The following BMPR1A variants were observed in gnomAD, a reference collection of about 807,000 sequenced individuals.
BMPR1A encodes the protein bone morphogenetic protein receptor type-1A.
A neutral mutation model predicts 66.0 loss-of-function variants in BMPR1A; 7 were observed. The observed-to-expected ratio is 0.11, with a 90% CI of 0.06 to 0.20. The LOEUF (loss-of-function observed/expected upper bound fraction) is 0.20. BMPR1A is among the 10% of genes least tolerant of loss of function. BMPR1A has a pLI of 1.00. For missense variants in BMPR1A, 408 were observed against 669.1 expected, an observed-to-expected ratio of 0.61 and a Z score of 4.31; for synonymous variants, 200 against 229.7, an observed-to-expected ratio of 0.87 and a Z score of 1.17.
intron 5 of BMPR1A, among the ~76,000 whole-genome samples, chr10:86,894,940 AT>A (rs1309877748): frequency 2.6e-5 from 4 of 152,116 alleles, no homozygotes; most frequent in Non-Finnish European, 5.9e-5. Flanking sequence ...GTTGCTGAAT[AT>A]TTCTCTGCCT....
At chr10:86,916,353 G>T (rs925142611) in intron 8 of BMPR1A, among the ~76,000 whole-genome samples, 1 of 152,228 alleles carries the variant, frequency 6.6e-6, no homozygotes, top group Non-Finnish European at 1.5e-5. Context: ...CTGTGGGGCA[G>T]TTCATTTGTT....
intron 1 of BMPR1A, among the ~76,000 whole-genome samples, chr10:86,759,638 G>T (rs967226016): frequency 1.3e-5 from 2 of 152,120 alleles, no homozygotes; most frequent in African/African-American, 2.4e-5. Context: ...CTTGCTAACT[G>T]TGGGGCAATT....
intron 2 of BMPR1A, among the ~76,000 whole-genome samples, chr10:86,848,340 G>A (rs551950561): frequency 1.5e-4 from 23 of 152,210 alleles, no homozygotes; most frequent in Non-Finnish European, 2.8e-4. Flanking sequence ...TATGAAGTAT[G>A]TAGAACAGTG....
chr10:86,814,033 C>T (rs938424524), intron 1 of BMPR1A, among the ~76,000 whole-genome samples: 1 of 151,852 alleles, frequency 6.6e-6, no homozygotes, highest in African/African-American at 2.4e-5. Flanking sequence ...TAGTTTTTTT[C>T]CCTTATAAAT....
chr10:86,845,983 C>T (rs932618044), intron 2 of BMPR1A, among the ~76,000 whole-genome samples: 4 of 149,584 alleles, frequency 2.7e-5, no homozygotes, highest in Non-Finnish European at 4.4e-5. Context: ...GGTGACAGAG[C>T]GAGACTCCGT....
intron 1 of BMPR1A, among the ~76,000 whole-genome samples, chr10:86,781,491 T>G (rs1841436293): frequency 6.6e-6 from 1 of 152,218 alleles, no homozygotes. Flanking sequence ...TGCTCAGGGT[T>G]GCTTTGGTTA....
At chr10:86,890,022 T>G (rs752491958) in intron 3 of BMPR1A, 40 bp from the exon 4 acceptor site, 38 of 1,608,782 alleles carry the variant, frequency 2.4e-5, no homozygotes, top group Admixed American at 8.3e-5. Flanking sequence ...AATGAGCTTT[T>G]CAGAAATGAT....
chr10:86,816,471 T>C (rs879479056), intron 1 of BMPR1A, among the ~76,000 whole-genome samples: 2 of 152,196 alleles, frequency 1.3e-5, no homozygotes, highest in African/African-American at 2.4e-5. Context: ...GGTCAGTTGA[T>C]TGTCAGAGAA....
intron 2 of BMPR1A, among the ~76,000 whole-genome samples, chr10:86,867,873 A>G (rs1338100743): frequency 6.6e-6 from 1 of 152,144 alleles, no homozygotes; most frequent in Non-Finnish European, 1.5e-5. Context: ...CTTGGCATAG[A>G]AGGAAAGTGA....
chr10:86,903,997 G>A lies in BMPR1A; in HGVS notation c.530+3871G>A, dbSNP rs117216167. Among the ~76,000 whole-genome samples, 432 of 152,298 alleles carry A rather than the reference G, an allele frequency of 2.8e-3. 10 individuals carry two copies. In the East Asian group the frequency reaches 0.043, roughly 15 times the overall value. On this transcript the variant is annotated intron_variant, in intron 7 of 12. Coordinates refer to ENST00000372037, the MANE Select transcript of BMPR1A (RefSeq NM_004329.3). ...CAGCTCTCTGCATACTCCACCTGCT[G>A]GGTTCAAGCGATTCTCGTGCTTCAG...
intron 1 of BMPR1A, among the ~76,000 whole-genome samples, chr10:86,765,000 C>G (rs1037378470): frequency 6.6e-6 from 1 of 151,534 alleles, no homozygotes; most frequent in Non-Finnish European, 1.5e-5. Context: ...TGCTTGAGCC[C>G]AGCAGCTTGA....
At position 86,924,818 on chromosome 10, in the gene BMPR1A, C is replaced by G. The variant is rs1324583086; in HGVS notation, c.*1099C>G. 4.3e-6 allele frequency: 1 copy of G among 232,422 alleles called. No homozygotes were observed. Among genetic ancestry groups the G allele is most frequent in the Non-Finnish European group, 8.5e-6 (1 of 117,718 alleles). The allele number at this position is 232,422 out of a possible 1,614,324, so 14.4% of individuals were successfully genotyped here. ...AACCAGCTCATGTGTACCTCATATCCCATCCTTAAGAGAAGAAATGTTATA... is the reference window on the plus strand; with the variant it reads ...AACCAGCTCATGTGTACCTCATATCGCATCCTTAAGAGAAGAAATGTTATA... On this transcript the variant is annotated 3_prime_UTR_variant, in exon 13 of 13. Transcript: ENST00000372037.
At chr10:86,760,501 G>T (rs1446963222) in intron 1 of BMPR1A, among the ~76,000 whole-genome samples, 1 of 152,022 alleles carries the variant, frequency 6.6e-6, no homozygotes, top group Non-Finnish European at 1.5e-5. Context: ...GCCTCCCTGT[G>T]CTGGGGTTAC....
chr10:86,756,177 G>C (rs1462726093), upstream of BMPR1A: 1 of 152,182 alleles, frequency 6.6e-6, no homozygotes, highest in Non-Finnish European at 1.5e-5. Flanking sequence ...CCGAAGGCCG[G>C]AGCGGGCGTC....
chr10:86,795,109 C>T (rs1248669078), intron 1 of BMPR1A, among the ~76,000 whole-genome samples: 1 of 151,976 alleles, frequency 6.6e-6, no homozygotes, highest in African/African-American at 2.4e-5. Flanking sequence ...CTTCTGCCTC[C>T]CAAAGTGCTG....
chr10:86,780,624 G>A (rs1841423298), intron 1 of BMPR1A, among the ~76,000 whole-genome samples: 1 of 151,886 alleles, frequency 6.6e-6, no homozygotes, highest in African/African-American at 2.4e-5. Flanking sequence ...TAGTGGAGAC[G>A]GGGTTTCACC....
chr10:86,905,261 A>G (rs1843369593), intron 7 of BMPR1A, among the ~76,000 whole-genome samples: 1 of 152,218 alleles, frequency 6.6e-6, no homozygotes, highest in Admixed American at 6.5e-5. Context: ...TGGACGAGGC[A>G]TCATTCTGTA....
Position 86,866,384 on chromosome 10 carries a change from T to C in BMPR1A, c.-152-9483T>C, listed in dbSNP as rs547866124. 8.7e-5 allele frequency among the ~76,000 whole-genome samples: 13 copies of C among 149,706 alleles called. No homozygotes were observed. In the East Asian group the frequency reaches 1.4e-3, roughly 16 times the overall value. Reference sequence around the variant, plus strand: ...CTGCCACTTACTGGTTGTGTTAAGTTGGGCAAGTTTCTTTCTTTTTTTTTT... The same window carrying C: ...CTGCCACTTACTGGTTGTGTTAAGTCGGGCAAGTTTCTTTCTTTTTTTTTT... On this transcript the variant is annotated intron_variant, in intron 2 of 12. Coordinates refer to ENST00000372037, the MANE Select transcript of BMPR1A (RefSeq NM_004329.3).
chr10:86,767,117 C>G (rs138258070), intron 1 of BMPR1A, among the ~76,000 whole-genome samples: 1 of 152,064 alleles, frequency 6.6e-6, no homozygotes, highest in Non-Finnish European at 1.5e-5. Flanking sequence ...GCACCACGCC[C>G]GGCCATATCA....
Sources: gnomAD v4.1 joint callset for allele counts (sites outside exome capture counted in the v4.1 genomes callset) on GRCh38, gnomAD v4.1.1 for gene constraint, MANE v1.5 for transcripts, NCBI Gene and HGNC (gene_info 2026-07-23, HGNC 2026-07-21) for gene names.